Variants in TRPM8 observed in about 807,000 individuals in gnomAD.
TRPM8 encodes the protein transient receptor potential cation channel subfamily M member 8, also known as TRPM8 cationic channel.
A neutral mutation model predicts 133.7 loss-of-function variants in TRPM8; 110 were observed. The ratio of observed to expected loss-of-function variants is 0.82; its 90% CI spans 0.70 to 0.96. The LOEUF (loss-of-function observed/expected upper bound fraction) is 0.96, where lower values mean the gene tolerates loss of function less well. Ranked by LOEUF, TRPM8 falls within the 40% of genes least tolerant of loss-of-function variation. The probability of loss-of-function intolerance (pLI) is 0.00; values close to 1 mark genes in which losing one functional copy is unlikely to be tolerated. For missense variants in TRPM8, 1,291 were observed against 1,379.5 expected (o/e 0.94, Z 1.02); for synonymous variants, 535 against 532.3 (o/e 1.01, Z -0.07).
chr2:233,934,915 A>T (rs1342501567), intron 3 of TRPM8, among the ~76,000 whole-genome samples: 1 of 152,088 alleles, frequency 6.6e-6, no homozygotes, highest in Non-Finnish European at 1.5e-5. Context: ...TGAAAATGTG[A>T]CCTCCTGCCA....
chr2:233,925,348 A>T (rs1398846888), intron 1 of TRPM8, among the ~76,000 whole-genome samples: 1 of 152,228 alleles, frequency 6.6e-6, no homozygotes, highest in Non-Finnish European at 1.5e-5. Context: ...TAAACAAATC[A>T]TGATGCCCAC....
chr2:233,938,942 C>A lies in TRPM8; in HGVS notation c.349-56C>A, dbSNP rs546502377. The A allele has an allele frequency of 1.0e-4, 163 of 1,576,904 alleles. 1 individual carries two copies. In the South Asian group the frequency reaches 1.4e-3, roughly 14 times the overall value. On this transcript the variant is annotated intron_variant, in intron 4 of 25. Transcript: ENST00000324695. Reference sequence around the variant, plus strand: ...TTGGAAGTTGGGAGGGAATGCTAAACCCCGACCTCAGGAGAACACAGGCCT... The same window carrying A: ...TTGGAAGTTGGGAGGGAATGCTAAAACCCGACCTCAGGAGAACACAGGCCT...
chr2:233,926,499 A>T (rs1187319643), intron 1 of TRPM8, 34 bp from the exon 2 acceptor site: 2 of 1,534,800 alleles, frequency 1.3e-6, no homozygotes, highest in African/African-American at 1.4e-5. Flanking sequence ...TACTGTTTGT[A>T]ACCCAAACTT....
intron 22 of TRPM8, among the ~76,000 whole-genome samples, chr2:233,999,744 G>T (rs188770629): frequency 2.5e-3 from 379 of 152,320 alleles, no homozygotes; most frequent in African/African-American, 8.6e-3. Flanking sequence ...ACTAGACTTG[G>T]ATAGTTCGAG....
intron 17 of TRPM8, among the ~76,000 whole-genome samples, chr2:233,979,172 T>C: frequency 6.6e-6 from 1 of 152,236 alleles, no homozygotes; most frequent in Admixed American, 6.5e-5. Flanking sequence ...GCCCTCTTGC[T>C]TTGGTGACAT....
chr2:233,939,137 A>C lies in TRPM8; in HGVS notation c.488A>C (p.Lys163Thr), dbSNP rs781655275. 2.4e-5 allele frequency: 38 copies of C among 1,614,178 alleles called. No individual in the cohort carries two copies. The Admixed American group carries it at 4.5e-4, about 19-fold the overall frequency. ...KNFALKPRMR[K>T]IFSRLIYIAQ... is the part of the protein sequence containing the mutation. ...TTCGCCCTGAAGCCGCGCATGCGCA[A>C]GATCTTCAGCCGGCTCATCTACATC... The change falls in exon 5 of 26, where the codon AAG (lysine) becomes ACG (threonine). Residue 163 changes from lysine (K) to threonine (T), a missense_variant. Physicochemically the swap from Lys to Thr is moderately conservative, Grantham distance 78. Around this residue, in one of 2 missense-constraint regions of TRPM8, gnomAD observed 963 missense variants for 968.9 expected, o/e 0.99. Transcript: ENST00000324695.
rs2125225203 is a variant in TRPM8 at position 233,970,440 on chromosome 2, G to A, written c.2355+14G>A. 6.2e-7 allele frequency: 1 copy of A among 1,612,492 alleles called. No individual in the cohort carries two copies. The highest frequency in any genetic ancestry group is 8.5e-7 in the Non-Finnish European group (1 of 1,178,946). ...GAAGTGAGACAGGTAGGGCTGCCAT[G>A]ACAGCAGGAACCCCCTCGCTTCCTC... On this transcript the variant is annotated intron_variant, in intron 17 of 25. Transcript: ENST00000324695.
chr2:233,950,076 A>G lies in TRPM8; in HGVS notation c.1070A>G (p.Lys357Arg). 6.2e-7 allele frequency: 1 copy of G among 1,614,032 alleles called. No individual in the cohort carries two copies. The highest frequency in any genetic ancestry group is 8.5e-7 in the Non-Finnish European group (1 of 1,180,048). Residue 357 changes from lysine to arginine, a missense_variant, in exon 9 of 26, where the codon AAG becomes AGG. This residue lies in a region of TRPM8 where 963 missense variants were observed against 968.9 expected (regional missense o/e 0.99). Coordinates refer to ENST00000324695, the MANE Select transcript of TRPM8 (RefSeq NM_024080.5). ...CTGACATCTTCTGCCGTCAAGGAGA[A>G]GCTGGTGCGCTTTTTACCCCGCACG... is the stretch of plus-strand genomic sequence containing the variant. ...DALTSSAVKE[K>R]LVRFLPRTVS...
At chr2:234,013,684 A>G (rs1443913212) in intron 24 of TRPM8, 1 of 152,130 alleles carries the variant, frequency 6.6e-6, no homozygotes, top group Non-Finnish European at 1.5e-5. Context: ...TCATTTTACT[A>G]TTAACAAATA....
At chr2:234,009,758 G>A (rs942348447) in intron 24 of TRPM8, among the ~76,000 whole-genome samples, 1 of 151,900 alleles carries the variant, frequency 6.6e-6, no homozygotes, top group Non-Finnish European at 1.5e-5. Flanking sequence ...AGAATTTTAG[G>A]GATAATCTTT....
At chr2:233,944,845 G>T (rs1308979726) in intron 6 of TRPM8, among the ~76,000 whole-genome samples, 1 of 152,184 alleles carries the variant, frequency 6.6e-6, no homozygotes, top group East Asian at 1.9e-4. Flanking sequence ...TCTATTCTAA[G>T]TGTATTACAT....
At chr2:233,923,394 C>T (rs1323843677) in intron 1 of TRPM8, among the ~76,000 whole-genome samples, 1 of 152,202 alleles carries the variant, frequency 6.6e-6, no homozygotes, top group Non-Finnish European at 1.5e-5. Flanking sequence ...CCAGTGTTCT[C>T]CATGGCTCCT....
chr2:233,964,041 T>C (rs982299554), intron 13 of TRPM8, among the ~76,000 whole-genome samples: 4 of 152,202 alleles, frequency 2.6e-5, no homozygotes, highest in African/African-American at 7.2e-5. Context: ...ATATTCAGGT[T>C]CCAAGTTATT....
chr2:233,959,550 A>T (rs1402548231), intron 11 of TRPM8, among the ~76,000 whole-genome samples: 2 of 151,670 alleles, frequency 1.3e-5, no homozygotes, highest in Non-Finnish European at 2.9e-5. Context: ...ACCTCAATTG[A>T]TCTGCCCACC....
At position 233,939,122 on chromosome 2, in the gene TRPM8, A is replaced by C. The variant is rs199716904; in HGVS notation, c.473A>C (p.Lys158Thr). ...VTGGAKNFAL[K>T]PRMRKIFSRL... Reference sequence around the variant, plus strand: ...GGGGGCGCCAAGAACTTCGCCCTGAAGCCGCGCATGCGCAAGATCTTCAGC... The same window carrying C: ...GGGGGCGCCAAGAACTTCGCCCTGACGCCGCGCATGCGCAAGATCTTCAGC... Residue 158 changes from lysine to threonine, a missense_variant, in exon 5 of 26, where the codon AAG becomes ACG. Lys to Thr is a moderately conservative substitution (Grantham distance 78, BLOSUM62 -1). Around this residue, in one of 2 missense-constraint regions of TRPM8, gnomAD observed 963 missense variants for 968.9 expected, o/e 0.99. Transcript: ENST00000324695. 92 of 1,614,024 alleles carry C rather than the reference A, an allele frequency of 5.7e-5. No individual in the cohort carries two copies. The highest frequency in any genetic ancestry group is 7.5e-5 in the Non-Finnish European group (88 of 1,180,048).
intron 14 of TRPM8, 128 bp downstream of exon 14, chr2:233,964,885 G>C (rs1691528126): frequency 1.1e-6 from 1 of 949,476 alleles, no homozygotes; most frequent in South Asian, 2.6e-5. Flanking sequence ...CTGATTGAGG[G>C]CTGCAGACCA....
At chr2:233,984,896 C>G (rs556065574) in intron 20 of TRPM8, among the ~76,000 whole-genome samples, 43 of 152,278 alleles carry the variant, frequency 2.8e-4, no homozygotes, top group Non-Finnish European at 4.0e-4. Flanking sequence ...CCAGCCTGGT[C>G]AACATGGTGA....
chr2:233,924,172 G>T (rs146649728), intron 1 of TRPM8, among the ~76,000 whole-genome samples: 70 of 152,288 alleles, frequency 4.6e-4, no homozygotes, highest in East Asian at 4.3e-3. Flanking sequence ...ATAAGTCCAA[G>T]GTGGGCAAGT....
Position 233,939,041 on chromosome 2 carries a change from A to G in TRPM8, c.392A>G (p.Glu131Gly). 2 of 1,614,176 alleles carry G rather than the reference A, an allele frequency of 1.2e-6. No homozygotes were observed. Among genetic ancestry groups the G allele is most frequent in the South Asian group, 2.2e-5 (2 of 91,090 alleles). The stretch of plus-strand genomic sequence containing the variant: ...GACACGGACGCGGAAATCCTTTACG[A>G]GCTGCTGACCCAGCACTGGCACCTG... ...SCDTDAEILY[E>G]LLTQHWHLKT... The change falls in exon 5 of 26, where the codon GAG becomes GGG. Residue 131 changes from glutamate (E) to glycine (G), a missense_variant. Around this residue, in one of 2 missense-constraint regions of TRPM8, gnomAD observed 963 missense variants for 968.9 expected, o/e 0.99. Transcript: ENST00000324695.
Sources: allele counts gnomAD v4.1 joint callset (sites outside exome capture counted in the v4.1 genomes callset), GRCh38; gene constraint gnomAD v4.1.1; regional missense constraint gnomAD v4.1.1; transcripts MANE v1.5; gene names NCBI Gene and HGNC (gene_info 2026-07-23, HGNC 2026-07-21).